The following ST18 variants were observed in gnomAD, a reference collection of about 807,000 sequenced individuals.
ST18 encodes ST18 C2H2C-type zinc finger transcription factor, also known as suppression of tumorigenicity 18 protein.
Under a neutral mutation model 110.0 loss-of-function variants are expected in ST18, and 50 were observed. That is an observed-to-expected ratio of 0.45 (90% CI 0.36 to 0.58). The LOEUF (loss-of-function observed/expected upper bound fraction) is 0.58, where lower values mean the gene tolerates loss of function less well. Ranked by LOEUF, ST18 falls within the 20% of genes least tolerant of loss-of-function variation. The pLI is 0.00. For synonymous variants in ST18, 461 were observed against 452.4 expected (o/e 1.02, Z -0.24); for missense variants, 1,306 against 1,280.1 (o/e 1.02, Z -0.31).
At chr8:52,323,222 G>C (rs1263915308) in intron 2 of ST18, among the ~76,000 whole-genome samples, 4 of 152,228 alleles carry the variant, frequency 2.6e-5, no homozygotes, top group African/African-American at 9.7e-5. Context: ...CAAGAGGCTA[G>C]AGCTCTTGAC....
chr8:52,218,559 T>C (rs1329434045), intron 5 of ST18, among the ~76,000 whole-genome samples: 1 of 146,260 alleles, frequency 6.8e-6, no homozygotes, highest in Admixed American at 6.8e-5. Context: ...GGCTAATTTT[T>C]TTTTTTTTTT....
In ST18 at chr8:52,320,668, C is replaced by T. The variant is rs141378506; in HGVS notation, c.-465+88660G>A. ...AAACTACCGTGAGATACTATCAGATCGGCAAACATTAAAAAGTATCACAAT... is the reference window on the plus strand; with the variant it reads ...AAACTACCGTGAGATACTATCAGATTGGCAAACATTAAAAAGTATCACAAT... On this transcript the variant is annotated intron_variant, in intron 2 of 25. Coordinates refer to ENST00000689386, the MANE Select transcript of ST18 (RefSeq NM_001352837.2). 6.2e-3 allele frequency among the ~76,000 whole-genome samples: 939 copies of T among 152,234 alleles called. 7 individuals carry two copies. The highest frequency in any genetic ancestry group is 0.021 in the African/African-American group (868 of 41,538).
chr8:52,205,746 T>G (rs2079772770), intron 8 of ST18, among the ~76,000 whole-genome samples: 1 of 151,996 alleles, frequency 6.6e-6, no homozygotes, highest in South Asian at 2.1e-4. Context: ...TTTCATATTT[T>G]TAGTAGAGAA....
In ST18 at chr8:52,116,437, G is replaced by C. The variant is rs754020397; in HGVS notation, c.2860-19C>G. On this transcript the variant is annotated intron_variant, in intron 24 of 25. Coordinates refer to ENST00000689386, the MANE Select transcript of ST18 (RefSeq NM_001352837.2). ...ATGTGATCTACAACAGAAATAACTT[G>C]GGAATGTGAGTAGTGGAGTTTGGAA... 4.4e-6 allele frequency: 7 copies of C among 1,606,436 alleles called. No individual in the cohort carries two copies. Among genetic ancestry groups the C allele is most frequent in the Non-Finnish European group, 5.1e-6 (6 of 1,176,132 alleles).
intron 17 of ST18, 82 bp from the exon 18 acceptor site, chr8:52,137,565 T>G (rs2052982838): frequency 7.0e-7 from 1 of 1,422,630 alleles, no homozygotes; most frequent in South Asian, 1.2e-5. Context: ...ACGGAGGAGG[T>G]AGCTTCTCTG....
intron 3 of ST18, among the ~76,000 whole-genome samples, chr8:52,224,427 AATAT>A (rs2088393650): frequency 1.3e-5 from 2 of 152,236 alleles, no homozygotes; most frequent in Non-Finnish European, 1.5e-5. Context: ...TTTCCAGGTT[AATAT>A]TAGGGCATAT....
intron 2 of ST18, among the ~76,000 whole-genome samples, chr8:52,347,489 T>C (rs944876601): frequency 3.3e-5 from 5 of 152,090 alleles, no homozygotes; most frequent in African/African-American, 1.2e-4. Context: ...AAGTAATCAA[T>C]AGAAGAACTA....
intron 2 of ST18, among the ~76,000 whole-genome samples, chr8:52,235,259 C>A (rs1041594927): frequency 6.6e-6 from 1 of 152,172 alleles, no homozygotes; most frequent in Non-Finnish European, 1.5e-5. Flanking sequence ...TAGAGTTCAT[C>A]TCCTGAACTC....
At chr8:52,246,821 T>G (rs1460928802) in intron 2 of ST18, among the ~76,000 whole-genome samples, 1 of 152,200 alleles carries the variant, frequency 6.6e-6, no homozygotes, top group Non-Finnish European at 1.5e-5. Context: ...GTATATGATC[T>G]TACTTAATTT....
chr8:52,408,385 C>G (rs1845259056), intron 2 of ST18, among the ~76,000 whole-genome samples: 1 of 152,212 alleles, frequency 6.6e-6, no homozygotes, highest in Non-Finnish European at 1.5e-5. Context: ...AAATCAGAAG[C>G]TCTTCCTGAC....
chr8:52,357,856 TAA>T (rs1823875081), intron 2 of ST18, among the ~76,000 whole-genome samples: 1 of 150,434 alleles, frequency 6.6e-6, no homozygotes, highest in South Asian at 2.1e-4. Context: ...CAGCTAGACC[TAA>T]AAGACATGTC....
At position 52,309,293 on chromosome 8, in the gene ST18, G is replaced by A. The variant is rs565741198; in HGVS notation, c.-464-79216C>T. Among the ~76,000 whole-genome samples, 17 of 152,220 alleles carry A rather than the reference G, an allele frequency of 1.1e-4. No individual in the cohort carries two copies. The South Asian group carries it at 3.5e-3, about 32-fold the overall frequency. On this transcript the variant is annotated intron_variant, in intron 2 of 25. Transcript: ENST00000689386. ...TCCAGCACTTTGGGTGGCCGAGGTGGGTGGGTCACCTGAGGTCAGGATTTC... is the reference window on the plus strand; with the variant it reads ...TCCAGCACTTTGGGTGGCCGAGGTGAGTGGGTCACCTGAGGTCAGGATTTC...
chr8:52,281,689 G>T (rs1402672748), intron 2 of ST18, among the ~76,000 whole-genome samples: 2 of 152,178 alleles, frequency 1.3e-5, no homozygotes, highest in African/African-American at 4.8e-5. Context: ...TGTGGCACAT[G>T]TATACCATGG....
chr8:52,209,788 A>AAATATAT (rs1554719674), intron 8 of ST18, among the ~76,000 whole-genome samples: 8 of 105,688 alleles, frequency 7.6e-5, no homozygotes, highest in East Asian at 5.6e-4. Flanking sequence ...AAAAAAAAAA[A>AAATATAT]ATATATATAT....
chr8:52,345,402 A>G (rs1391815071), intron 2 of ST18, among the ~76,000 whole-genome samples: 5 of 152,250 alleles, frequency 3.3e-5, no homozygotes, highest in African/African-American at 7.2e-5. Flanking sequence ...TGACTTCACC[A>G]TATTTCAAGA....
At chr8:52,404,579 T>G (rs1843816655) in intron 2 of ST18, 1 of 152,270 alleles carries the variant, frequency 6.6e-6, no homozygotes, top group African/African-American at 2.4e-5. Flanking sequence ...GGGAACTAAC[T>G]TCAGCAAAAG....
At chr8:52,315,554 A>G (rs902068050) in intron 2 of ST18, among the ~76,000 whole-genome samples, 3 of 152,148 alleles carry the variant, frequency 2.0e-5, no homozygotes, top group African/African-American at 7.2e-5. Context: ...TATTCTCTTT[A>G]ATTTACTTAC....
Position 52,149,871 on chromosome 8 carries a change from G to C in ST18, c.1913C>G (p.Pro638Arg). Residue 638 changes from proline to arginine, a missense_variant, in exon 16 of 26, where the codon CCA becomes CGA. By Grantham distance (103) the Pro-to-Arg change is moderately radical. Coordinates refer to ENST00000689386, the MANE Select transcript of ST18 (RefSeq NM_001352837.2). ...TTTGAATGGGGAAGAGGAAGGAGTTGGAATAGAAGTGTTAGAGGAAGTTAG... is the reference window on the plus strand; with the variant it reads ...TTTGAATGGGGAAGAGGAAGGAGTTCGAATAGAAGTGTTAGAGGAAGTTAG... ...APLTSSNTSI[P>R]TPSSSPFKTS... 1 of 1,614,128 alleles carries C rather than the reference G, an allele frequency of 6.2e-7. No individual in the cohort carries two copies. The highest frequency in any genetic ancestry group is 1.3e-5 in the African/African-American group (1 of 75,038).
intron 5 of ST18, among the ~76,000 whole-genome samples, chr8:52,218,249 C>A (rs1210982194): frequency 1.3e-5 from 2 of 151,928 alleles, no homozygotes; most frequent in Non-Finnish European, 2.9e-5. Flanking sequence ...TATAAGTAGT[C>A]TTGAGCTTCT....
Sources: allele counts gnomAD v4.1 joint callset (sites outside exome capture counted in the v4.1 genomes callset), GRCh38; gene constraint gnomAD v4.1.1; transcripts MANE v1.5; gene names NCBI Gene and HGNC (gene_info 2026-07-23, HGNC 2026-07-21).